The following ZNRF2 variants were observed in gnomAD, a reference collection of about 807,000 sequenced individuals.
The protein encoded by ZNRF2 is zinc and ring finger 2.
A neutral mutation model predicts 20.4 loss-of-function variants in ZNRF2; 16 were observed. That is an observed-to-expected ratio of 0.79 (90% CI 0.53 to 1.19). The LOEUF is 1.19. ZNRF2 is among the 50% of genes most tolerant of loss of function. The pLI, the probability that ZNRF2 is intolerant of heterozygous loss-of-function variation, is 0.00. For synonymous variants in ZNRF2, 178 were observed against 144.9 expected (o/e 1.23, Z -1.64); for missense variants, 363 against 332.4 (o/e 1.09, Z -0.72).
Position 30,328,320 on chromosome 7 carries a change from A to C in ZNRF2, c.565+4583A>C, listed in dbSNP as rs10226727. ...CACAATTTTATATTTGAATTCCTAC[A>C]TGTTGATTCCATAGAGAGATACATC... On this transcript the variant is annotated intron_variant, in intron 2 of 4. Transcript: ENST00000323037. Among the ~76,000 whole-genome samples, 133 of 152,314 alleles carry C rather than the reference A, an allele frequency of 8.7e-4. 5 individuals are homozygous for C. In the East Asian group the frequency reaches 0.017, roughly 19 times the overall value.
At chr7:30,354,184 C>T (rs578256025) in intron 2 of ZNRF2, among the ~76,000 whole-genome samples, 10 of 151,978 alleles carry the variant, frequency 6.6e-5, no homozygotes, top group Admixed American at 3.3e-4. Flanking sequence ...AAAGGGAGGG[C>T]ACTTCAGGGA....
chr7:30,304,888 GAGTTGATAAATT>G (rs1287369162), intron 1 of ZNRF2, among the ~76,000 whole-genome samples: 1 of 152,134 alleles, frequency 6.6e-6, no homozygotes, highest in Non-Finnish European at 1.5e-5. Flanking sequence ...GCTCTTCCTG[GAGTTGATAAATT>G]ATTAGGACTT....
At chr7:30,362,499 T>C in intron 4 of ZNRF2, 43 bp downstream of exon 4, 1 of 1,214,892 alleles carries the variant, frequency 8.2e-7, no homozygotes, top group South Asian at 1.4e-5. Flanking sequence ...TAGCCCAAAT[T>C]ATACATTCTA....
rs1267312900 is a variant in ZNRF2 at position 30,366,795 on chromosome 7, CAGTT to C, written c.*785_*788del. The C allele has an allele frequency of 6.6e-6, 1 of 152,496 alleles. No individual in the cohort carries two copies. The highest frequency in any genetic ancestry group is 1.9e-4 in the East Asian group (1 of 5,200). 9.4% of individuals were successfully genotyped at this position (152,496 alleles called of 1,614,324 possible). A position where few individuals can be genotyped will look rare whatever the true frequency, so the allele number is the denominator to read the frequency against. ...TATCCTCTTAAATAAAACTGCTCAA[CAGTT>C]AATCAGCAGTGAATCATCTTGCAGC... On this transcript the variant is annotated 3_prime_UTR_variant, in exon 5 of 5. Coordinates refer to ENST00000323037, the MANE Select transcript of ZNRF2 (RefSeq NM_147128.4).
At chr7:30,338,431 C>G (rs547099144) in intron 2 of ZNRF2, among the ~76,000 whole-genome samples, 4 of 143,524 alleles carry the variant, frequency 2.8e-5, no homozygotes, top group African/African-American at 1.1e-4. Context: ...TAGCCCCCCC[C>G]CACCCCCCAA....
chr7:30,343,685 GTT>G (rs11320046), intron 2 of ZNRF2, among the ~76,000 whole-genome samples: 1 of 147,610 alleles, frequency 6.8e-6, no homozygotes, highest in Non-Finnish European at 1.5e-5. Flanking sequence ...TGCCTGATAA[GTT>G]TTTTTTTTCA....
chr7:30,336,935 G>T (rs1029720927), intron 2 of ZNRF2, among the ~76,000 whole-genome samples: 8 of 151,996 alleles, frequency 5.3e-5, no homozygotes, highest in Non-Finnish European at 1.2e-4. Context: ...CGTGTATGTG[G>T]GTGTAATTCC....
chr7:30,312,670 A>C (rs950249126), intron 1 of ZNRF2, among the ~76,000 whole-genome samples: 1 of 152,218 alleles, frequency 6.6e-6, no homozygotes, highest in Admixed American at 6.5e-5. Context: ...ATGTTTTAAA[A>C]TTATTCCTTA....
At chr7:30,343,911 CTTT>C (rs34643391) in intron 2 of ZNRF2, among the ~76,000 whole-genome samples, 2 of 81,514 alleles carry the variant, frequency 2.5e-5, no homozygotes, top group East Asian at 3.0e-4. Flanking sequence ...GGGTGGCCAG[CTTT>C]TTTTTTTTTT....
chr7:30,365,892 G>C (rs567951975), intron 4 of ZNRF2, 143 bp from the exon 5 acceptor site: 1 of 152,174 alleles, frequency 6.6e-6, no homozygotes, highest in East Asian at 1.9e-4. Context: ...TATTTTTTGT[G>C]ACTAAACTTT....
chr7:30,293,512 G>A (rs1030207741), intron 1 of ZNRF2, among the ~76,000 whole-genome samples: 2 of 152,150 alleles, frequency 1.3e-5, no homozygotes, highest in African/African-American at 4.8e-5. Flanking sequence ...GCCTCCCAAA[G>A]TGCTGGGATT....
chr7:30,345,524 G>A (rs953258072), intron 2 of ZNRF2, among the ~76,000 whole-genome samples: 1 of 151,674 alleles, frequency 6.6e-6, no homozygotes, highest in African/African-American at 2.4e-5. Flanking sequence ...AAATTTGGTG[G>A]TGGTCCTTCT....
chr7:30,346,558 T>A (rs1215352156), intron 2 of ZNRF2, among the ~76,000 whole-genome samples: 1 of 152,094 alleles, frequency 6.6e-6, no homozygotes, highest in Non-Finnish European at 1.5e-5. Flanking sequence ...TATTTTTTTT[T>A]AATTTTAATA....
At chr7:30,319,978 T>A (rs945042183) in intron 1 of ZNRF2, among the ~76,000 whole-genome samples, 3 of 152,224 alleles carry the variant, frequency 2.0e-5, no homozygotes, top group Admixed American at 6.5e-5. Flanking sequence ...TTCCTATAGT[T>A]GTTTACACAT....
intron 2 of ZNRF2, among the ~76,000 whole-genome samples, chr7:30,345,763 C>T (rs1430043212): frequency 2.0e-5 from 3 of 152,158 alleles, no homozygotes; most frequent in Non-Finnish European, 4.4e-5. Flanking sequence ...TTCCCCCACC[C>T]TCCACTGCCT....
rs1390551890 is a variant in ZNRF2 at position 30,304,805 on chromosome 7, T to C, written c.470-18837T>C. 2.6e-5 allele frequency among the ~76,000 whole-genome samples: 4 copies of C among 152,114 alleles called. No homozygotes were observed. The East Asian group carries it at 5.8e-4, about 22-fold the overall frequency. Reference sequence around the variant, plus strand: ...TCCTCATTAACCCACCAAAAAGTTATAGGAAAATGAGGGAAATAAAGGACT... The same window carrying C: ...TCCTCATTAACCCACCAAAAAGTTACAGGAAAATGAGGGAAATAAAGGACT... On this transcript the variant is annotated intron_variant, in intron 1 of 4. Coordinates refer to ENST00000323037, the MANE Select transcript of ZNRF2 (RefSeq NM_147128.4).
chr7:30,327,714 A>G (rs946097717), intron 2 of ZNRF2, among the ~76,000 whole-genome samples: 12 of 152,088 alleles, frequency 7.9e-5, no homozygotes, highest in African/African-American at 2.9e-4. Flanking sequence ...TTTTAGAGTC[A>G]GGATCTTGCT....
At chr7:30,330,977 T>G (rs563157926) in intron 2 of ZNRF2, among the ~76,000 whole-genome samples, 2 of 152,278 alleles carry the variant, frequency 1.3e-5, no homozygotes, top group South Asian at 4.1e-4. Context: ...TTAAGTAACT[T>G]GATACAGCTT....
intron 2 of ZNRF2, among the ~76,000 whole-genome samples, chr7:30,346,725 T>C (rs1424261512): frequency 6.6e-6 from 1 of 152,116 alleles, no homozygotes; most frequent in African/African-American, 2.4e-5. Flanking sequence ...TGCTTGAGAC[T>C]TCATGAGCCC....
Sources: gnomAD v4.1 joint callset for allele counts (sites outside exome capture counted in the v4.1 genomes callset) on GRCh38, gnomAD v4.1.1 for gene constraint, MANE v1.5 for transcripts, NCBI Gene and HGNC (gene_info 2026-07-23, HGNC 2026-07-21) for gene names.